The following ARHGEF26 variants were observed in gnomAD, a reference collection of about 807,000 sequenced individuals.
ARHGEF26 encodes the protein Rho guanine nucleotide exchange factor 26.
Under a neutral mutation model 89.4 loss-of-function variants are expected in ARHGEF26, and 59 were observed. The observed-to-expected ratio is 0.66, with a 90% CI of 0.54 to 0.82. The LOEUF (loss-of-function observed/expected upper bound fraction) is 0.82. ARHGEF26 is among the 40% of genes least tolerant of loss of function. The pLI, the probability that ARHGEF26 is intolerant of heterozygous loss-of-function variation, is 0.00. For synonymous variants in ARHGEF26, 500 were observed against 428.4 expected (o/e 1.17, Z -2.06); for missense variants, 1,234 against 1,085.6 (o/e 1.14, Z -1.92).
At chr3:154,228,436 CTTT>C in intron 11 of ARHGEF26, among the ~76,000 whole-genome samples, 1 of 141,568 alleles carries the variant, frequency 7.1e-6, no homozygotes, top group East Asian at 2.1e-4. Context: ...CGCACCTGGC[CTTT>C]TTTTTTTTTT....
At chr3:154,207,296 ACT>A (rs528631044) in intron 9 of ARHGEF26, among the ~76,000 whole-genome samples, 350 of 152,314 alleles carry the variant, frequency 2.3e-3, no homozygotes, top group Non-Finnish European at 3.9e-3. Flanking sequence ...AGCAAAGGAA[ACT>A]CTCAACAGAG....
At position 154,129,601 on chromosome 3, in the gene ARHGEF26, A is replaced by C; in HGVS notation, c.1151A>C (p.Lys384Thr). 6.2e-7 allele frequency: 1 copy of C among 1,611,900 alleles called. No homozygotes were observed. The highest frequency in any genetic ancestry group is 8.5e-7 in the Non-Finnish European group (1 of 1,178,948). The change falls in exon 4 of 15, where the codon AAG (lysine) becomes ACG (threonine). Residue 384 changes from lysine (K) to threonine (T), a missense_variant. Coordinates refer to ENST00000465093, the MANE Select transcript of ARHGEF26 (RefSeq NM_015595.4). Reference protein sequence around the residue: ...EENAVLYQNYKEKALDIDSDE... With the variant: ...EENAVLYQNYTEKALDIDSDE... Reference sequence around the variant, plus strand: ...AATGCTGTCCTGTATCAAAACTACAAGGAAAAGGCCCTTGACATTGATTCT... The same window carrying C: ...AATGCTGTCCTGTATCAAAACTACACGGAAAAGGCCCTTGACATTGATTCT...
chr3:154,225,095 A>T (rs1410164273), intron 10 of ARHGEF26, among the ~76,000 whole-genome samples: 1 of 152,060 alleles, frequency 6.6e-6, no homozygotes, highest in African/African-American at 2.4e-5. Flanking sequence ...ATTGTTCTGT[A>T]GTTTTGAGAG....
intron 6 of ARHGEF26, among the ~76,000 whole-genome samples, chr3:154,178,694 G>A (rs896971218): frequency 6.6e-6 from 1 of 152,134 alleles, no homozygotes; most frequent in Admixed American, 6.5e-5. Context: ...GAACATTTGT[G>A]TTGAAGTTTT....
chr3:154,231,591 TCTCTC>T (rs1207628761), intron 11 of ARHGEF26, among the ~76,000 whole-genome samples: 2 of 132,820 alleles, frequency 1.5e-5, no homozygotes, highest in East Asian at 4.5e-4. Flanking sequence ...GGTATTGTGT[TCTCTC>T]TCTAAAGATT....
chr3:154,173,789 C>T (rs1403918854), intron 6 of ARHGEF26, among the ~76,000 whole-genome samples: 1 of 152,152 alleles, frequency 6.6e-6, no homozygotes, highest in Non-Finnish European at 1.5e-5. Context: ...TGGAGGCCTG[C>T]AGGTTCCTGA....
chr3:154,219,369 T>G (rs1459506164), intron 10 of ARHGEF26, among the ~76,000 whole-genome samples: 1 of 151,728 alleles, frequency 6.6e-6, no homozygotes, highest in African/African-American at 2.4e-5. Context: ...CCGAGGTGGG[T>G]GAATCACCTG....
rs185017800 is a variant in ARHGEF26 at position 154,156,572 on chromosome 3, C to G, written c.1487+3640C>G. On this transcript the variant is annotated intron_variant, in intron 6 of 14. Coordinates refer to ENST00000465093, the MANE Select transcript of ARHGEF26 (RefSeq NM_015595.4). The stretch of plus-strand genomic sequence containing the variant: ...AATGTTCAGCTTTTACATGATAACT[C>G]TGTCTATATCATAATAACTTACATT... Among the ~76,000 whole-genome samples, 19 of 152,222 alleles carry G rather than the reference C, an allele frequency of 1.2e-4. No individual in the cohort carries two copies. The East Asian group carries it at 3.5e-3, about 28-fold the overall frequency.
At chr3:154,164,573 A>G (rs891237755) in intron 6 of ARHGEF26, among the ~76,000 whole-genome samples, 2 of 152,250 alleles carry the variant, frequency 1.3e-5, no homozygotes, top group East Asian at 3.9e-4. Flanking sequence ...TGACCTTGTC[A>G]CTTGTGGGGG....
chr3:154,244,575 A>G (rs1342446734), intron 12 of ARHGEF26, among the ~76,000 whole-genome samples: 1 of 152,136 alleles, frequency 6.6e-6, no homozygotes, highest in African/African-American at 2.4e-5. Context: ...TCCTGGTGAA[A>G]TTATGAATGA....
intron 9 of ARHGEF26, among the ~76,000 whole-genome samples, chr3:154,205,544 C>G (rs550842432): frequency 1.3e-5 from 2 of 152,138 alleles, no homozygotes; most frequent in South Asian, 4.2e-4. Context: ...TACTCCTGCC[C>G]TTTTGTTATT....
rs1718539706 is a variant in ARHGEF26 at position 154,256,707 on chromosome 3, A to G, written c.*1234A>G. 7.5e-7 allele frequency: 1 copy of G among 1,330,764 alleles called. No individual in the cohort carries two copies. Among genetic ancestry groups the G allele is most frequent in the Non-Finnish European group, 9.6e-7 (1 of 1,046,026 alleles). 82.4% of individuals were successfully genotyped at this position (1,330,764 alleles called of 1,614,324 possible). A position where few individuals can be genotyped will look rare whatever the true frequency, so the allele number is the denominator to read the frequency against. ...ACACTACAGTAATCTCAAGGAAGGG[A>G]AAATTAGGCCTTAAAAGATACCAAG... is the stretch of plus-strand genomic sequence containing the variant. On this transcript the variant is annotated 3_prime_UTR_variant, in exon 15 of 15. Coordinates refer to ENST00000465093, the MANE Select transcript of ARHGEF26 (RefSeq NM_015595.4).
At chr3:154,169,372 CA>C (rs995926722) in intron 6 of ARHGEF26, among the ~76,000 whole-genome samples, 36 of 145,426 alleles carry the variant, frequency 2.5e-4, no homozygotes, top group African/African-American at 4.0e-4. Flanking sequence ...AGCAGAGCAG[CA>C]AAAAAAAAAA....
At chr3:154,221,362 AT>A (rs1170653910) in intron 10 of ARHGEF26, among the ~76,000 whole-genome samples, 1 of 152,184 alleles carries the variant, frequency 6.6e-6, no homozygotes, top group Non-Finnish European at 1.5e-5. Context: ...AGAAAAAGGC[AT>A]TTTTATATGT....
rs1042565708 is a variant in ARHGEF26 at position 154,121,968 on chromosome 3, C to G, written c.-25C>G. 4 of 1,569,166 alleles carry G rather than the reference C, an allele frequency of 2.5e-6. No individual in the cohort carries two copies. The African/African-American group carries it at 4.1e-5, about 16-fold the overall frequency. ...CAAGACTAACTCGGTGTTGCTCCTC[C>G]CGGCGCTGACTTCGAGGCCCGGCTA... On this transcript the variant is annotated 5_prime_UTR_variant, in exon 2 of 15. Transcript: ENST00000465093.
At chr3:154,168,379 C>T (rs1297925002) in intron 6 of ARHGEF26, among the ~76,000 whole-genome samples, 1 of 152,094 alleles carries the variant, frequency 6.6e-6, no homozygotes, top group Non-Finnish European at 1.5e-5. Flanking sequence ...GAGTTTGAGA[C>T]CAGCCTGGGC....
intron 12 of ARHGEF26, among the ~76,000 whole-genome samples, chr3:154,252,544 T>C (rs1012668681): frequency 1.3e-5 from 2 of 152,218 alleles, no homozygotes; most frequent in African/African-American, 2.4e-5. Flanking sequence ...TTGGTCATTT[T>C]TCCTGTGCTC....
intron 3 of ARHGEF26, among the ~76,000 whole-genome samples, chr3:154,125,773 C>A (rs1216611547): frequency 6.6e-6 from 1 of 151,824 alleles, no homozygotes; most frequent in Non-Finnish European, 1.5e-5. Flanking sequence ...AATATAATGA[C>A]CTAGAAATTT....
rs763397298 is a variant in ARHGEF26 at position 154,152,813 on chromosome 3, C to T, written c.1368C>T (p.Leu456=). The T allele has an allele frequency of 4.2e-5, 66 of 1,559,986 alleles. 1 individual carries two copies. The South Asian group carries it at 7.0e-4, about 17-fold the overall frequency. The part of the protein sequence containing the change: ...EVISSEHSYL[L]SLEILIRMFK... ...TATCCTCTGAACATTCATATTTACT[C>T]AGCTTGGAGATCTTGATACGAATGT... The change falls in exon 6 of 15, where the codon CTC becomes CTT. Residue 456 remains leucine (L), a synonymous_variant. Transcript: ENST00000465093.
Sources: allele counts gnomAD v4.1 joint callset (sites outside exome capture counted in the v4.1 genomes callset), GRCh38; gene constraint gnomAD v4.1.1; transcripts MANE v1.5; gene names NCBI Gene and HGNC (gene_info 2026-07-23, HGNC 2026-07-21).